TMEM143: variants seen among roughly 807,000 people sequenced by gnomAD.
The protein encoded by TMEM143 is transmembrane protein 143.
Under a neutral mutation model 40.3 loss-of-function variants are expected in TMEM143, and 45 were observed. The observed-to-expected ratio is 1.12, with a 90% CI of 0.88 to 1.43. The LOEUF is 1.43. TMEM143 is among the 40% of genes most tolerant of loss of function. The pLI, the probability that TMEM143 is intolerant of heterozygous loss-of-function variation, is 0.00. For synonymous variants in TMEM143, 299 were observed against 282.7 expected (o/e 1.06, Z -0.58); for missense variants, 620 against 613.4 (o/e 1.01, Z -0.11).
chr19:48,359,837 C>A, intron 3 of TMEM143: 1 of 488,054 alleles, frequency 2.0e-6, no homozygotes. Flanking sequence ...CACTACTCCG[C>A]CTCATTGTTC....
At chr19:48,334,416 CTCTTTCTTTCTTTCTTTCTTTCTTTCTT>C (rs201875941) in intron 6 of TMEM143, among the ~76,000 whole-genome samples, 111 of 108,266 alleles carry the variant, frequency 1.0e-3, no homozygotes, top group South Asian at 2.1e-3. Context: ...TTCTTTTTCT[CTCTTTCTTTCTTTCTTTCTTTCTTTCTT>C]TCTTTCTTTC....
intron 3 of TMEM143, among the ~76,000 whole-genome samples, chr19:48,355,774 T>G (rs997682122): frequency 6.6e-6 from 1 of 152,204 alleles, no homozygotes; most frequent in Non-Finnish European, 1.5e-5. Context: ...CCTTGGAATG[T>G]CCTGACTGAT....
intron 6 of TMEM143, among the ~76,000 whole-genome samples, chr19:48,338,007 C>T (rs1393899442): frequency 6.8e-6 from 1 of 146,540 alleles, no homozygotes; most frequent in African/African-American, 2.6e-5. Flanking sequence ...GAGAGGGGTC[C>T]CCCTGCCACC....
At chr19:48,343,912 T>G (rs1969566307) in intron 4 of TMEM143, among the ~76,000 whole-genome samples, 1 of 152,186 alleles carries the variant, frequency 6.6e-6, no homozygotes, top group Non-Finnish European at 1.5e-5. Flanking sequence ...TTTGAGATAT[T>G]GTCTCACTCT....
chr19:48,345,192 G>A lies in TMEM143; in HGVS notation c.532C>T (p.Leu178=). 6.2e-7 allele frequency: 1 copy of A among 1,613,656 alleles called. No homozygotes were observed. Among genetic ancestry groups the A allele is most frequent in the Non-Finnish European group, 8.5e-7 (1 of 1,179,780 alleles). Residue 178 remains leucine (L), a synonymous_variant, in exon 4 of 8, where the codon CTG becomes TTG. Transcript: ENST00000293261. ...TCATCCTGAGGGTGGTGGACCACCA[G>A]CGCGTAGGCCAGGGTGTCCTCAGAC... The part of the protein sequence containing the change: ...PLSEDTLAYA[L]VVHHPQDEVQ...
intron 3 of TMEM143, among the ~76,000 whole-genome samples, chr19:48,347,912 T>A (rs899690490): frequency 8.6e-5 from 13 of 150,346 alleles, no homozygotes; most frequent in African/African-American, 2.9e-4. Context: ...TCCCAGCTAC[T>A]TGGGAGGTTG....
At position 48,363,537 on chromosome 19, in the gene TMEM143, C is replaced by T. The variant is rs774723118; in HGVS notation, c.24-6G>A. On this transcript the variant is annotated splice_region_variant and splice_polypyrimidine_tract_variant and intron_variant, in intron 1 of 7. Transcript: ENST00000293261. ...CTAGACCCTTTCCCCGGAGCCTAAA[C>T]AGAGGAAAATGGGCAGGGGTCAAAG... 3.1e-6 allele frequency: 5 copies of T among 1,595,096 alleles called. No homozygotes were observed. The African/African-American group carries it at 5.4e-5, about 17-fold the overall frequency.
chr19:48,342,481 T>A (rs1384120142), intron 6 of TMEM143, 49 bp downstream of exon 6: 5 of 1,543,534 alleles, frequency 3.2e-6, no homozygotes, highest in Non-Finnish European at 4.4e-6. Flanking sequence ...GGGCCTGACC[T>A]GGTCCCCACA....
intron 3 of TMEM143, among the ~76,000 whole-genome samples, chr19:48,348,035 A>G (rs959846482): frequency 1.3e-5 from 2 of 150,984 alleles, no homozygotes; most frequent in Non-Finnish European, 1.5e-5. Flanking sequence ...CAAAAAAAAA[A>G]AAAAAGAAAA....
Position 48,363,252 on chromosome 19 carries a change from C to T in TMEM143, c.264+39G>A, listed in dbSNP as rs750697406. The T allele has an allele frequency of 1.1e-5, 17 of 1,576,796 alleles. No homozygotes were observed. In the African/African-American group the frequency reaches 1.1e-4, roughly 10 times the overall value. On this transcript the variant is annotated intron_variant, in intron 2 of 7. Coordinates refer to ENST00000293261, the MANE Select transcript of TMEM143 (RefSeq NM_018273.4). ...CTGCCGCCGCGAAGCCTGCTGGGAG[C>T]CGTAGTCCCCAGGCTCTTGGGCCTG...
At chr19:48,337,689 G>A (rs1170289353) in intron 6 of TMEM143, among the ~76,000 whole-genome samples, 2 of 152,114 alleles carry the variant, frequency 1.3e-5, no homozygotes. Flanking sequence ...GAGGCCTGAG[G>A]TGAAATGCCT....
At chr19:48,342,899 C>T in intron 5 of TMEM143, 90 bp from the exon 6 acceptor site, 2 of 1,428,106 alleles carry the variant, frequency 1.4e-6, no homozygotes, top group Non-Finnish European at 1.9e-6. Context: ...TCTGGCTCTA[C>T]AGTCGCACAA....
intron 4 of TMEM143, among the ~76,000 whole-genome samples, chr19:48,344,896 T>C (rs891323796): frequency 6.6e-6 from 1 of 152,140 alleles, no homozygotes; most frequent in South Asian, 2.1e-4. Context: ...TTAGTAGAGA[T>C]GGGGTTTCAC....
chr19:48,334,414 C>CTT (rs1969297704), intron 6 of TMEM143, among the ~76,000 whole-genome samples: 1 of 103,526 alleles, frequency 9.7e-6, no homozygotes, highest in African/African-American at 3.7e-5. Context: ...CTTTCTTTTT[C>CTT]TCTCTTTCTT....
At chr19:48,342,471 G>A (rs1969517557) in intron 6 of TMEM143, 59 bp downstream of exon 6, 2 of 1,521,846 alleles carry the variant, frequency 1.3e-6, no homozygotes, top group Non-Finnish European at 1.8e-6. Context: ...CAACTACAGG[G>A]GGCCTGACCT....
chr19:48,338,102 C>A (rs1331984207), intron 6 of TMEM143, among the ~76,000 whole-genome samples: 1 of 152,068 alleles, frequency 6.6e-6, no homozygotes, highest in Non-Finnish European at 1.5e-5. Flanking sequence ...TTGGGCAGCC[C>A]CTCCACCTAC....
At position 48,360,146 on chromosome 19, in the gene TMEM143, C is replaced by A; in HGVS notation, c.295G>T (p.Ala99Ser). ...EFHSSPAEKA[A>S]LEAFSAHVDF... Reference sequence around the variant, plus strand: ...ACGTGGGCCGAGAACGCCTCCAAAGCCGCCTTCTCTGCCGGACTCGAGTGG... The same window carrying A: ...ACGTGGGCCGAGAACGCCTCCAAAGACGCCTTCTCTGCCGGACTCGAGTGG... Residue 99 changes from alanine (A) to serine (S), a missense_variant, in exon 3 of 8, where the codon GCT becomes TCT. Coordinates refer to ENST00000293261, the MANE Select transcript of TMEM143 (RefSeq NM_018273.4). 1 of 1,614,144 alleles carries A rather than the reference C, an allele frequency of 6.2e-7. No homozygotes were observed. The highest frequency in any genetic ancestry group is 8.5e-7 in the Non-Finnish European group (1 of 1,180,008).
At chr19:48,336,555 T>C (rs1969372526) in intron 6 of TMEM143, among the ~76,000 whole-genome samples, 1 of 151,066 alleles carries the variant, frequency 6.6e-6, no homozygotes, top group Non-Finnish European at 1.5e-5. Flanking sequence ...ATACAAAAAT[T>C]AGTCAGGTGT....
At chr19:48,351,011 T>C (rs949863282) in intron 3 of TMEM143, among the ~76,000 whole-genome samples, 20 of 151,834 alleles carry the variant, frequency 1.3e-4, no homozygotes, top group Admixed American at 7.9e-4. Context: ...CATTCCCTTG[T>C]GGCTGTCACA....
Sources: allele counts gnomAD v4.1 joint callset (sites outside exome capture counted in the v4.1 genomes callset), GRCh38; gene constraint gnomAD v4.1.1; transcripts MANE v1.5; gene names NCBI Gene and HGNC (gene_info 2026-07-23, HGNC 2026-07-21).